The following KCNAB1 variants were observed in gnomAD, a reference collection of about 807,000 sequenced individuals.
KCNAB1 encodes voltage-gated potassium channel subunit beta-1.
In KCNAB1, 35 loss-of-function variants were observed where a neutral mutation model predicts 64.6. The observed-to-expected ratio is 0.54, with a 90% CI of 0.41 to 0.72. The LOEUF (loss-of-function observed/expected upper bound fraction) is 0.72, where lower values mean the gene tolerates loss of function less well. Among genes scored for constraint, KCNAB1 ranks in the 30% least tolerant of loss-of-function variants. The probability of loss-of-function intolerance (pLI) is 0.00; values close to 1 mark genes in which losing one functional copy is unlikely to be tolerated. For synonymous variants in KCNAB1, 177 were observed against 183.8 expected, an observed-to-expected ratio of 0.96 and a Z score of 0.30; for missense variants, 401 against 512.9, an observed-to-expected ratio of 0.78 and a Z score of 2.11.
rs138676238 is a variant in KCNAB1, at chr3:156,415,175, G to A, written c.276-6441G>A. Among the ~76,000 whole-genome samples, 70 of 152,288 alleles carry A rather than the reference G, an allele frequency of 4.6e-4. 1 individual carries two copies. The South Asian group carries it at 8.5e-3, about 19-fold the overall frequency. ...GGAAGTGGGTCTTGAAAGTCACAGA[G>A]GCAGCCTTCTACCAGATTTTGTACC... On this transcript the variant is annotated intron_variant, in intron 1 of 13. Coordinates refer to ENST00000490337, the MANE Select transcript of KCNAB1 (RefSeq NM_172160.3).
chr3:156,392,057 C>T (rs755369209), intron 1 of KCNAB1, among the ~76,000 whole-genome samples: 1 of 152,170 alleles, frequency 6.6e-6, no homozygotes, highest in Non-Finnish European at 1.5e-5. Flanking sequence ...CTCACAGACA[C>T]CTCCTCAGAG....
intron 1 of KCNAB1, among the ~76,000 whole-genome samples, chr3:156,339,488 G>A (rs2108062202): frequency 6.6e-6 from 1 of 152,270 alleles, no homozygotes; most frequent in African/African-American, 2.4e-5. Context: ...AAGTGAAGTG[G>A]TCTGTCCAAA....
intron 11 of KCNAB1, among the ~76,000 whole-genome samples, chr3:156,523,451 TTGG>T (rs1034235806): frequency 1.7e-4 from 26 of 152,152 alleles, no homozygotes; most frequent in African/African-American, 6.3e-4. Context: ...ATAATAGATC[TTGG>T]TAAGTTGTAA....
chr3:156,241,190 T>C (rs924554679), intron 1 of KCNAB1, among the ~76,000 whole-genome samples: 1 of 152,270 alleles, frequency 6.6e-6, no homozygotes, highest in African/African-American at 2.4e-5. Flanking sequence ...GACAAACTTA[T>C]AATGCATCAT....
Position 156,193,208 on chromosome 3 carries a change from T to C in KCNAB1, c.275+72322T>C, listed in dbSNP as rs116819493. ...TGCTTTAGGGTGTTTAATATATAGA[T>C]GGTTCTTAACTTATGAAGATTTGAC... On this transcript the variant is annotated intron_variant, in intron 1 of 13. Transcript: ENST00000490337. Among the ~76,000 whole-genome samples the C allele has an allele frequency of 3.0e-3, 463 of 152,300 alleles. 4 individuals are homozygous for C. The highest frequency in any genetic ancestry group is 0.017 in the Admixed American group (267 of 15,284).
intron 1 of KCNAB1, among the ~76,000 whole-genome samples, chr3:156,193,076 G>A (rs1165083796): frequency 7.2e-5 from 11 of 151,940 alleles, no homozygotes; most frequent in Non-Finnish European, 8.8e-5. Flanking sequence ...TCTATTCTGT[G>A]TTCCCTTTTA....
intron 1 of KCNAB1, among the ~76,000 whole-genome samples, chr3:156,354,511 G>C (rs1182964347): frequency 6.6e-6 from 1 of 151,900 alleles, no homozygotes; most frequent in African/African-American, 2.4e-5. Context: ...CCCGAACACA[G>C]CAAATTAAAA....
chr3:156,122,335 A>G (rs1442041603), intron 1 of KCNAB1, among the ~76,000 whole-genome samples: 1 of 152,248 alleles, frequency 6.6e-6, no homozygotes, highest in Non-Finnish European at 1.5e-5. Context: ...AAAGCATTGA[A>G]AATGGTTTTC....
intron 1 of KCNAB1, among the ~76,000 whole-genome samples, chr3:156,156,929 G>A (rs1022222848): frequency 4.6e-5 from 7 of 152,266 alleles, no homozygotes; most frequent in Admixed American, 3.9e-4. Flanking sequence ...AAAGCCCCAG[G>A]ACTACAGCCT....
intron 8 of KCNAB1, among the ~76,000 whole-genome samples, chr3:156,507,850 G>T (rs79891808): frequency 2.6e-4 from 39 of 152,112 alleles, no homozygotes; most frequent in African/African-American, 8.4e-4. Context: ...GATATCAGCT[G>T]GGTTGAACCA....
chr3:156,179,680 A>G (rs1435597737), intron 1 of KCNAB1, among the ~76,000 whole-genome samples: 2 of 152,236 alleles, frequency 1.3e-5, no homozygotes, highest in African/African-American at 4.8e-5. Flanking sequence ...CACCAAAGGC[A>G]GCAATAGAAT....
intron 1 of KCNAB1, among the ~76,000 whole-genome samples, chr3:156,266,756 G>A (rs1218462501): frequency 6.6e-6 from 1 of 152,178 alleles, no homozygotes; most frequent in Non-Finnish European, 1.5e-5. Flanking sequence ...ACAGTGATGT[G>A]ACTTGGTAAA....
At chr3:156,513,777 A>T (rs894512260) in intron 8 of KCNAB1, among the ~76,000 whole-genome samples, 3 of 152,226 alleles carry the variant, frequency 2.0e-5, no homozygotes, top group Non-Finnish European at 4.4e-5. Flanking sequence ...AAAGTGATCA[A>T]GGACAGGGTG....
At chr3:156,479,417 G>GT (rs940878821) in intron 8 of KCNAB1, among the ~76,000 whole-genome samples, 1 of 152,008 alleles carries the variant, frequency 6.6e-6, no homozygotes, top group Non-Finnish European at 1.5e-5. Context: ...AGTTTTTTGG[G>GT]TTTTTTTGTT....
At chr3:156,363,316 TCTGA>T (rs1316653257) in intron 1 of KCNAB1, among the ~76,000 whole-genome samples, 6 of 152,356 alleles carry the variant, frequency 3.9e-5, no homozygotes, top group Non-Finnish European at 5.9e-5. Context: ...TTTTTGCTAC[TCTGA>T]CTGTATGTCC....
At chr3:156,453,832 CA>C (rs1712189691) in intron 3 of KCNAB1, among the ~76,000 whole-genome samples, 1 of 152,174 alleles carries the variant, frequency 6.6e-6, no homozygotes. Context: ...GGTTTACTAA[CA>C]TTTATGTGTA....
rs571625701 is a variant in KCNAB1 at position 156,511,204 on chromosome 3, T to C, written c.659-3160T>C. Reference sequence around the variant, plus strand: ...CTGCGAGCTCCACCTCCCAGGTTCATGCCATTCTCTTGCCTCAGCCTCCCG... The same window carrying C: ...CTGCGAGCTCCACCTCCCAGGTTCACGCCATTCTCTTGCCTCAGCCTCCCG... On this transcript the variant is annotated intron_variant, in intron 8 of 13. Coordinates refer to ENST00000490337, the MANE Select transcript of KCNAB1 (RefSeq NM_172160.3). Among the ~76,000 whole-genome samples the C allele has an allele frequency of 3.8e-3, 578 of 152,154 alleles. 3 individuals are homozygous for C. The highest frequency in any genetic ancestry group is 9.5e-3 in the African/African-American group (396 of 41,512).
At chr3:156,440,543 T>C (rs1187539369) in intron 2 of KCNAB1, among the ~76,000 whole-genome samples, 1 of 152,264 alleles carries the variant, frequency 6.6e-6, no homozygotes, top group African/African-American at 2.4e-5. Context: ...ATTGAAGATG[T>C]ACCAACATTG....
At position 156,397,284 on chromosome 3, in the gene KCNAB1, G is replaced by A. The variant is rs569499400; in HGVS notation, c.276-24332G>A. Among the ~76,000 whole-genome samples the A allele has an allele frequency of 9.8e-5, 15 of 152,324 alleles. No homozygotes were observed. In the East Asian group the frequency reaches 2.9e-3, roughly 29 times the overall value. On this transcript the variant is annotated intron_variant, in intron 1 of 13. Coordinates refer to ENST00000490337, the MANE Select transcript of KCNAB1 (RefSeq NM_172160.3). Reference sequence around the variant, plus strand: ...GGGGAGACAGCAACTTACATGTGTTGCTTATTGGGAGTAAATGGGGTAATA... The same window carrying A: ...GGGGAGACAGCAACTTACATGTGTTACTTATTGGGAGTAAATGGGGTAATA...
Sources: gnomAD v4.1 joint callset for allele counts (sites outside exome capture counted in the v4.1 genomes callset) on GRCh38, gnomAD v4.1.1 for gene constraint, MANE v1.5 for transcripts, NCBI Gene and HGNC (gene_info 2026-07-23, HGNC 2026-07-21) for gene names.